The following HS3ST3A1 variants were observed in gnomAD, a reference collection of about 807,000 sequenced individuals.
The protein encoded by HS3ST3A1 is heparan sulfate-glucosamine 3-sulfotransferase 3A1, also known as heparan sulfate glucosamine 3-O-sulfotransferase 3A1.
In HS3ST3A1, 19 loss-of-function variants were observed where a neutral mutation model predicts 25.7. The ratio of observed to expected loss-of-function variants is 0.74; its 90% CI spans 0.52 to 1.08. HS3ST3A1 has a LOEUF of 1.08. Ranked by LOEUF, HS3ST3A1 falls within the 50% of genes least tolerant of loss-of-function variation. HS3ST3A1 has a pLI of 0.00. For missense variants in HS3ST3A1, 459 were observed against 594.3 expected, an observed-to-expected ratio of 0.77 and a Z score of 2.37; for synonymous variants, 226 against 278.6, an observed-to-expected ratio of 0.81 and a Z score of 1.88.
intron 1 of HS3ST3A1, among the ~76,000 whole-genome samples, chr17:13,513,666 T>C (rs1334114546): frequency 6.6e-6 from 1 of 152,240 alleles, no homozygotes; most frequent in African/African-American, 2.4e-5. Flanking sequence ...TTGTCATTAA[T>C]TACACATCTA....
chr17:13,544,443 T>C (rs1353814339), intron 1 of HS3ST3A1, among the ~76,000 whole-genome samples: 1 of 152,208 alleles, frequency 6.6e-6, no homozygotes, highest in East Asian at 1.9e-4. Flanking sequence ...AACTGCCTTT[T>C]CTGTGAGTCA....
intron 1 of HS3ST3A1, among the ~76,000 whole-genome samples, chr17:13,500,849 A>G (rs1328232506): frequency 1.3e-5 from 2 of 152,224 alleles, no homozygotes; most frequent in Non-Finnish European, 2.9e-5. Flanking sequence ...AGAATTCACA[A>G]TAGCCAAAGA....
At chr17:13,594,118 G>A (rs763834757) in intron 1 of HS3ST3A1, among the ~76,000 whole-genome samples, 2 of 152,144 alleles carry the variant, frequency 1.3e-5, no homozygotes, top group Non-Finnish European at 2.9e-5. Flanking sequence ...GGGCTATACT[G>A]GGGTTACGGA....
rs142137191 is a variant in HS3ST3A1, at chr17:13,591,851, G to A, written c.599+8680C>T. Among the ~76,000 whole-genome samples, 362 of 152,062 alleles carry A rather than the reference G, an allele frequency of 2.4e-3. 12 individuals are homozygous for A. In the East Asian group the frequency reaches 0.052, roughly 22 times the overall value. On this transcript the variant is annotated intron_variant, in intron 1 of 1. Coordinates refer to ENST00000284110, the MANE Select transcript of HS3ST3A1 (RefSeq NM_006042.3). The stretch of plus-strand genomic sequence containing the variant: ...ATTTTTGTATTTTTAGTAGAGATGC[G>A]ATTTCACCATGTTGGCCAGGCTGGT...
Position 13,591,805 on chromosome 17 carries a change from G to A in HS3ST3A1, c.599+8726C>T, listed in dbSNP as rs116904495. ...TCCCGAGTAGCTGGGATTACAGGGC[G>A]TCCACGACCACATCCGGCTAATTTT... On this transcript the variant is annotated intron_variant, in intron 1 of 1. Transcript: ENST00000284110. Among the ~76,000 whole-genome samples the A allele has an allele frequency of 3.8e-3, 581 of 151,876 alleles. 1 individual carries two copies. The highest frequency in any genetic ancestry group is 6.2e-3 in the Non-Finnish European group (419 of 67,944).
intron 1 of HS3ST3A1, among the ~76,000 whole-genome samples, chr17:13,530,623 C>T (rs749490393): frequency 2.2e-5 from 3 of 139,466 alleles, no homozygotes; most frequent in Admixed American, 7.0e-5. Context: ...TAGATTGATG[C>T]TTCTCAAAGT....
intron 1 of HS3ST3A1, among the ~76,000 whole-genome samples, chr17:13,505,764 G>C (rs1474244499): frequency 6.6e-6 from 1 of 151,992 alleles, no homozygotes; most frequent in African/African-American, 2.4e-5. Context: ...GGTGGTTTAC[G>C]CCTATAATCC....
intron 1 of HS3ST3A1, among the ~76,000 whole-genome samples, chr17:13,586,783 T>A (rs1027649595): frequency 7.3e-6 from 1 of 137,666 alleles, no homozygotes; most frequent in East Asian, 2.1e-4. Context: ...GGCAGGAGAA[T>A]GGCATGAACC....
At chr17:13,501,616 T>C (rs1410693317) in intron 1 of HS3ST3A1, among the ~76,000 whole-genome samples, 1 of 152,182 alleles carries the variant, frequency 6.6e-6, no homozygotes, top group Non-Finnish European at 1.5e-5. Context: ...GATCACTAGA[T>C]AGTAATTTAG....
chr17:13,525,711 G>A (rs1906391732), intron 1 of HS3ST3A1, among the ~76,000 whole-genome samples: 1 of 152,144 alleles, frequency 6.6e-6, no homozygotes, highest in Non-Finnish European at 1.5e-5. Context: ...AAACGACTGA[G>A]TTTTATGTTT....
At chr17:13,508,069 C>CA (rs1441709696) in intron 1 of HS3ST3A1, among the ~76,000 whole-genome samples, 1 of 152,188 alleles carries the variant, frequency 6.6e-6, no homozygotes, top group African/African-American at 2.4e-5. Flanking sequence ...GCAGCTCCCA[C>CA]ACCAACCGAA....
chr17:13,583,446 A>C (rs1379994965), intron 1 of HS3ST3A1, among the ~76,000 whole-genome samples: 1 of 152,212 alleles, frequency 6.6e-6, no homozygotes, highest in Non-Finnish European at 1.5e-5. Context: ...ATATTAGAAA[A>C]GTGAAGATCT....
intron 1 of HS3ST3A1, among the ~76,000 whole-genome samples, chr17:13,560,128 A>G (rs886883859): frequency 1.3e-5 from 2 of 151,198 alleles, no homozygotes; most frequent in African/African-American, 4.9e-5. Flanking sequence ...CATCTCTACT[A>G]AAAATACAAA....
Sources: allele counts gnomAD v4.1 joint callset (sites outside exome capture counted in the v4.1 genomes callset), GRCh38; gene constraint gnomAD v4.1.1; transcripts MANE v1.5; gene names NCBI Gene and HGNC (gene_info 2026-07-23, HGNC 2026-07-21).